TMEM117: variants seen among roughly 807,000 people sequenced by gnomAD.
TMEM117 encodes the protein transmembrane protein 117.
Under a neutral mutation model 52.4 loss-of-function variants are expected in TMEM117, and 27 were observed. That is an observed-to-expected ratio of 0.51 (90% CI 0.38 to 0.71). TMEM117 has a LOEUF of 0.71. TMEM117 is among the 30% of genes least tolerant of loss of function. The pLI, the probability that TMEM117 is intolerant of heterozygous loss-of-function variation, is 0.00. For missense variants in TMEM117, 556 were observed against 630.5 expected (o/e 0.88, Z 1.26); for synonymous variants, 215 against 206.3 (o/e 1.04, Z -0.36).
intron 2 of TMEM117, among the ~76,000 whole-genome samples, chr12:43,922,868 G>T (rs1245717075): frequency 6.6e-6 from 1 of 152,090 alleles, no homozygotes; most frequent in African/African-American, 2.4e-5. Flanking sequence ...AATATAGAAA[G>T]AAATAAGACA....
intron 2 of TMEM117, among the ~76,000 whole-genome samples, chr12:43,875,543 T>C (rs1039592846): frequency 3.3e-5 from 5 of 152,236 alleles, no homozygotes; most frequent in Non-Finnish European, 5.9e-5. Context: ...CTAAAAGTCA[T>C]GCAGGACTGT....
chr12:43,887,098 C>T (rs548528615), intron 2 of TMEM117, among the ~76,000 whole-genome samples: 1 of 152,290 alleles, frequency 6.6e-6, no homozygotes, highest in African/African-American at 2.4e-5. Context: ...ACCCGCCCTC[C>T]TAGGCCTCCC....
At chr12:44,230,024 A>T (rs944100395) in intron 5 of TMEM117, among the ~76,000 whole-genome samples, 3 of 152,092 alleles carry the variant, frequency 2.0e-5, no homozygotes, top group African/African-American at 7.2e-5. Context: ...CTCACACGTT[A>T]TGTAAAAGCA....
chr12:43,855,698 A>G (rs904992585), intron 2 of TMEM117, among the ~76,000 whole-genome samples: 1 of 152,222 alleles, frequency 6.6e-6, no homozygotes, highest in Non-Finnish European at 1.5e-5. Context: ...TTACTGTAAC[A>G]AAAAGGATAT....
At chr12:44,281,762 A>G (rs886424414) in intron 5 of TMEM117, among the ~76,000 whole-genome samples, 9 of 152,326 alleles carry the variant, frequency 5.9e-5, no homozygotes, top group Admixed American at 3.3e-4. Flanking sequence ...CACTACATGA[A>G]TAATAATGGA....
At chr12:43,900,837 GAGGA>G (rs1368093154) in intron 2 of TMEM117, among the ~76,000 whole-genome samples, 5 of 152,056 alleles carry the variant, frequency 3.3e-5, no homozygotes, top group Admixed American at 6.5e-5. Flanking sequence ...GAGAGAGAGA[GAGGA>G]AGGAAGAAAA....
chr12:43,843,375 C>T (rs1405274902), intron 1 of TMEM117, among the ~76,000 whole-genome samples: 1 of 152,188 alleles, frequency 6.6e-6, no homozygotes, highest in Non-Finnish European at 1.5e-5. Context: ...TAGACATAAT[C>T]ATCCACTTAC....
intron 4 of TMEM117, among the ~76,000 whole-genome samples, chr12:44,180,341 C>T (rs995021095): frequency 6.8e-6 from 1 of 147,008 alleles, no homozygotes; most frequent in Non-Finnish European, 1.5e-5. Context: ...TGTAAAAGAA[C>T]TACCTGACAT....
At chr12:44,285,969 A>G (rs984393255) in intron 5 of TMEM117, among the ~76,000 whole-genome samples, 3 of 152,098 alleles carry the variant, frequency 2.0e-5, no homozygotes, top group Non-Finnish European at 4.4e-5. Flanking sequence ...TTGTCATGCC[A>G]TATTTTGTTT....
intron 2 of TMEM117, among the ~76,000 whole-genome samples, chr12:43,884,054 T>G (rs560015660): frequency 4.7e-5 from 7 of 149,840 alleles, no homozygotes; most frequent in African/African-American, 1.7e-4. Flanking sequence ...GAGGCTCTCT[T>G]GGGCACAGAA....
At chr12:44,151,250 CTTAGT>C (rs1474822008) in intron 4 of TMEM117, among the ~76,000 whole-genome samples, 1 of 151,704 alleles carries the variant, frequency 6.6e-6, no homozygotes, top group Non-Finnish European at 1.5e-5. Flanking sequence ...ATTTCTATTA[CTTAGT>C]TTATACTTCC....
the TMEM117 span, among the ~76,000 whole-genome samples, chr12:44,397,267 G>A: frequency 6.6e-6 from 1 of 152,174 alleles, no homozygotes; most frequent in Non-Finnish European, 1.5e-5. Context: ...TTCTACTAGA[G>A]CTTTTCATGA....
Position 44,178,655 on chromosome 12 carries a change from T to C in TMEM117, c.511-32635T>C, listed in dbSNP as rs553699060. Among the ~76,000 whole-genome samples the C allele has an allele frequency of 9.8e-5, 15 of 152,328 alleles. No homozygotes were observed. The East Asian group carries it at 2.5e-3, about 25-fold the overall frequency. ...TTGGGTTGAAAAGAGATCCTAGACA[T>C]GGTTCTCAAATCTATTATGTAAAAG... On this transcript the variant is annotated intron_variant, in intron 4 of 7. Coordinates refer to ENST00000266534, the MANE Select transcript of TMEM117 (RefSeq NM_032256.3).
chr12:43,905,181 T>A (rs1944365486), intron 2 of TMEM117, among the ~76,000 whole-genome samples: 1 of 152,102 alleles, frequency 6.6e-6, no homozygotes. Context: ...TGTCTGTGCC[T>A]GTGTATGTCT....
intron 3 of TMEM117, among the ~76,000 whole-genome samples, chr12:44,022,873 G>T (rs842193): frequency 0.28 from 42,570 of 151,992 alleles, 8,388 homozygotes; most frequent in African/African-American, 0.56. Context: ...AAACAAGGAG[G>T]TTTCATTTTA....
intron 5 of TMEM117, among the ~76,000 whole-genome samples, chr12:44,213,567 C>T (rs1246098848): frequency 6.6e-6 from 1 of 152,222 alleles, no homozygotes; most frequent in Non-Finnish European, 1.5e-5. Flanking sequence ...CCACCCAAAT[C>T]TCATCTTGAA....
intron 2 of TMEM117, among the ~76,000 whole-genome samples, chr12:43,865,131 A>G (rs1025244615): frequency 1.3e-5 from 2 of 152,170 alleles, no homozygotes; most frequent in African/African-American, 2.4e-5. Context: ...TGTAACACTC[A>G]CTGCGAGGGT....
chr12:44,291,567 T>C (rs993483511), intron 5 of TMEM117, among the ~76,000 whole-genome samples: 2 of 152,048 alleles, frequency 1.3e-5, no homozygotes, highest in African/African-American at 4.8e-5. Flanking sequence ...CATCTTTTCT[T>C]GTTCCTGATC....
At chr12:44,316,418 T>C (rs74804186) in intron 6 of TMEM117, among the ~76,000 whole-genome samples, 7,310 of 152,270 alleles carry the variant, frequency 0.048, 364 homozygotes, top group African/African-American at 0.12. Context: ...CCCAATCTCT[T>C]CTGGCTTGTA....
Sources: allele counts gnomAD v4.1 joint callset (sites outside exome capture counted in the v4.1 genomes callset), GRCh38; gene constraint gnomAD v4.1.1; transcripts MANE v1.5; gene names NCBI Gene and HGNC (gene_info 2026-07-23, HGNC 2026-07-21).